CACNA1A: variants seen among roughly 807,000 people sequenced by gnomAD.
CACNA1A encodes the protein voltage-dependent P/Q-type calcium channel subunit alpha-1A.
A neutral mutation model predicts 262.4 loss-of-function variants in CACNA1A; 57 were observed. That is an observed-to-expected ratio of 0.22 (90% CI 0.18 to 0.27). The LOEUF is 0.27. CACNA1A is among the 10% of genes least tolerant of loss of function. The pLI, the probability that CACNA1A is intolerant of heterozygous loss-of-function variation, is 1.00. For synonymous variants in CACNA1A, 1,431 were observed against 1,419.3 expected, an observed-to-expected ratio of 1.01 and a Z score of -0.18; for missense variants, 2,526 against 3,562.8, an observed-to-expected ratio of 0.71 and a Z score of 7.41.
intron 1 of CACNA1A, among the ~76,000 whole-genome samples, chr19:13,504,826 A>G (rs1426098457): frequency 6.6e-6 from 1 of 152,152 alleles, no homozygotes; most frequent in Non-Finnish European, 1.5e-5. Context: ...TTGCCTGCCT[A>G]CATCTCGATA....
intron 22 of CACNA1A, among the ~76,000 whole-genome samples, chr19:13,279,620 G>T (rs1389102249): frequency 6.6e-6 from 1 of 152,014 alleles, no homozygotes; most frequent in East Asian, 1.9e-4. Context: ...AAGTGTCTGG[G>T]ATTACAGGCG....
chr19:13,464,265 G>A (rs2144993302), intron 1 of CACNA1A, among the ~76,000 whole-genome samples: 1 of 152,182 alleles, frequency 6.6e-6, no homozygotes, highest in East Asian at 1.9e-4. Context: ...CAGGCATGTT[G>A]GCACATGCCT....
At chr19:13,452,854 G>C (rs764758167) in intron 3 of CACNA1A, 22 bp downstream of exon 3, 9 of 1,604,700 alleles carry the variant, frequency 5.6e-6, no homozygotes, top group Non-Finnish European at 7.7e-6. Context: ...TAAATCCAAA[G>C]CGTATAGCAC....
At chr19:13,264,063 CAG>C (rs2056805750) in intron 24 of CACNA1A, among the ~76,000 whole-genome samples, 1 of 152,130 alleles carries the variant, frequency 6.6e-6, no homozygotes, top group African/African-American at 2.4e-5. Flanking sequence ...CCATCTTTGC[CAG>C]AGAGGACTGC....
intron 3 of CACNA1A, among the ~76,000 whole-genome samples, chr19:13,445,067 G>A (rs984163207): frequency 1.3e-5 from 2 of 151,540 alleles, no homozygotes; most frequent in Admixed American, 1.3e-4. Flanking sequence ...TTGAACCTGG[G>A]AGGCGGAGGT....
At chr19:13,279,233 T>A (rs1222279751) in intron 22 of CACNA1A, among the ~76,000 whole-genome samples, 1 of 152,132 alleles carries the variant, frequency 6.6e-6, no homozygotes. Context: ...ACCAATAAAT[T>A]AGGTTCAAGT....
chr19:13,217,649 C>T (rs1253306672), intron 38 of CACNA1A, among the ~76,000 whole-genome samples: 1 of 152,124 alleles, frequency 6.6e-6, no homozygotes, highest in African/African-American at 2.4e-5. Flanking sequence ...TGAGTGGCAT[C>T]TGGGGTACAA....
intron 3 of CACNA1A, among the ~76,000 whole-genome samples, chr19:13,390,035 G>T (rs968332923): frequency 6.6e-6 from 1 of 151,316 alleles, no homozygotes; most frequent in Admixed American, 6.6e-5. Flanking sequence ...GGGTGGTCTC[G>T]ATCTCCTGAC....
intron 3 of CACNA1A, among the ~76,000 whole-genome samples, chr19:13,403,111 C>T (rs1373311105): frequency 6.6e-6 from 1 of 151,666 alleles, no homozygotes; most frequent in East Asian, 1.9e-4. Flanking sequence ...CTTTACCCGA[C>T]TTTACTGATT....
intron 1 of CACNA1A, among the ~76,000 whole-genome samples, chr19:13,491,705 G>GTTGTGCAACCATCACCTCTCT (rs1980907345): frequency 6.6e-6 from 1 of 152,152 alleles, no homozygotes; most frequent in African/African-American, 2.4e-5. Flanking sequence ...GTGTGGTGGT[G>GTTGTGCAACCATCACCTCTCT]CACACCGATA....
chr19:13,294,338 T>C (rs1384194721), intron 19 of CACNA1A, among the ~76,000 whole-genome samples: 3 of 152,110 alleles, frequency 2.0e-5, no homozygotes, highest in Non-Finnish European at 4.4e-5. Flanking sequence ...CTTTTCCATA[T>C]GAGACTGTCT....
chr19:13,488,035 G>A (rs972132799), intron 1 of CACNA1A, among the ~76,000 whole-genome samples: 13 of 152,060 alleles, frequency 8.5e-5, no homozygotes, highest in Non-Finnish European at 1.3e-4. Flanking sequence ...CCATTTCAGC[G>A]TCCCAAAGTG....
At chr19:13,376,603 T>C (rs188506749) in intron 3 of CACNA1A, among the ~76,000 whole-genome samples, 79 of 148,314 alleles carry the variant, frequency 5.3e-4, no homozygotes, top group Non-Finnish European at 8.5e-4. Flanking sequence ...ATATAACACA[T>C]AATATATGTT....
At position 13,330,443 on chromosome 19, in the gene CACNA1A, G is replaced by A. The variant is rs1193751045; in HGVS notation, c.1256-110C>T. On this transcript the variant is annotated intron_variant, in intron 9 of 46. Transcript: ENST00000360228. ...TAACTCTCACGGCAACTGTTCTCAC[G>A]GGAACTAATAGTATACCCATTTTTC... 154 of 794,082 alleles carry A rather than the reference G, an allele frequency of 1.9e-4. 1 individual carries two copies. The highest frequency in any genetic ancestry group is 1.7e-3 in the South Asian group (114 of 68,582). 49.2% of individuals were successfully genotyped at this position (794,082 alleles called of 1,614,324 possible).
intron 1 of CACNA1A, among the ~76,000 whole-genome samples, chr19:13,463,144 T>TA (rs2061155814): frequency 2.1e-5 from 3 of 142,828 alleles, no homozygotes; most frequent in East Asian, 2.3e-4. Flanking sequence ...TTGCCTTTAT[T>TA]TAAAAAAAAA....
In CACNA1A at chr19:13,207,941, G is replaced by C; in HGVS notation, c.6893C>G (p.Ser2298Cys). The C allele has an allele frequency of 7.2e-7, 1 of 1,393,516 alleles. No individual in the cohort carries two copies. Among genetic ancestry groups the C allele is most frequent in the Non-Finnish European group, 9.3e-7 (1 of 1,076,356 alleles). 86.3% of individuals were successfully genotyped at this position (1,393,516 alleles called of 1,614,324 possible). Reference sequence around the variant, plus strand: ...GGCCTTACGGATCACAGGGGAATAGGACACGTGTGGCCGGGGGGTGGAGGG... The same window carrying C: ...GGCCTTACGGATCACAGGGGAATAGCACACGTGTGGCCGGGGGGTGGAGGG... ...QTPSTPRPHV[S>C]YSPVIRKAGG... The change falls in exon 47 of 47, where the codon TCC becomes TGC. Residue 2298 changes from serine (S) to cysteine (C), a missense_variant. Coordinates refer to ENST00000360228, the MANE Select transcript of CACNA1A (RefSeq NM_001127222.2). The surrounding 1 kb of genome is among the most constrained non-coding windows in gnomAD (Gnocchi z 5.7).
intron 10 of CACNA1A, among the ~76,000 whole-genome samples, chr19:13,325,533 C>T (rs2058345978): frequency 6.6e-6 from 1 of 152,092 alleles, no homozygotes; most frequent in Admixed American, 6.6e-5. Flanking sequence ...CCTCCATCTC[C>T]CAGGTTAAGT....
At chr19:13,324,023 T>C (rs1484402741) in intron 10 of CACNA1A, among the ~76,000 whole-genome samples, 1 of 152,148 alleles carries the variant, frequency 6.6e-6, no homozygotes, top group Non-Finnish European at 1.5e-5. Flanking sequence ...ATAAAGAAAA[T>C]GTGGTATGTA....
intron 19 of CACNA1A, among the ~76,000 whole-genome samples, chr19:13,287,624 C>T (rs2057434058): frequency 6.6e-6 from 1 of 152,080 alleles, no homozygotes; most frequent in South Asian, 2.1e-4. Context: ...GCCTCAGCCT[C>T]CTGAGTAGCT....
Sources: gnomAD v4.1 joint callset for allele counts (sites outside exome capture counted in the v4.1 genomes callset) on GRCh38, gnomAD v4.1.1 for gene constraint, Gnocchi (gnomAD v3.1) non-coding constraint, MANE v1.5 for transcripts, NCBI Gene and HGNC (gene_info 2026-07-23, HGNC 2026-07-21) for gene names.